The following NTRK1 variants were observed in gnomAD, a reference collection of about 807,000 sequenced individuals.
NTRK1 encodes the protein high affinity nerve growth factor receptor.
NTRK1 carries 62 observed loss-of-function variants against 86.8 expected under a neutral mutation model. The observed-to-expected ratio is 0.71, with a 90% confidence interval of 0.58 to 0.88. The LOEUF is 0.88. Among genes scored for constraint, NTRK1 ranks in the 40% least tolerant of loss-of-function variants. NTRK1 has a pLI of 0.00. For missense variants in NTRK1, 967 were observed against 1,078.4 expected (o/e 0.90, Z 1.45); for synonymous variants, 469 against 456.6 (o/e 1.03, Z -0.35).
At chr1:156,865,499 G>A (rs1350081391) in intron 3 of NTRK1, among the ~76,000 whole-genome samples, 2 of 152,166 alleles carry the variant, frequency 1.3e-5, no homozygotes, top group African/African-American at 4.8e-5. Context: ...CTCACTCACC[G>A]CTGCTCACCT....
chr1:156,845,896 T>C, intron 2 of NTRK1: 1 of 1,598,214 alleles, frequency 6.3e-7, no homozygotes. Flanking sequence ...GCCCTGCGCC[T>C]CCATCTCCCC....
At chr1:156,826,293 CTTTTTTTTT>C (rs386368405) in intron 1 of NTRK1, among the ~76,000 whole-genome samples, 39 of 88,450 alleles carry the variant, frequency 4.4e-4, no homozygotes, top group African/African-American at 1.5e-3. Flanking sequence ...GACTTGAGCT[CTTTTTTTTT>C]TTTTTTTTTT....
intron 2 of NTRK1, among the ~76,000 whole-genome samples, chr1:156,855,601 T>C (rs932128198): frequency 1.3e-5 from 2 of 152,076 alleles, no homozygotes; most frequent in African/African-American, 2.4e-5. Context: ...GGTGGGAAGA[T>C]TGCTTGAGCC....
chr1:156,879,232 T>C lies in NTRK1; in HGVS notation c.1916T>C (p.Val639Ala). The change falls in exon 15 of 17, where the codon GTG becomes GCG. Residue 639 changes from valine to alanine, a missense_variant. Coordinates refer to ENST00000524377, the MANE Select transcript of NTRK1 (RefSeq NM_002529.4). ...AVASQVAAGM[V>A]YLAGLHFVHR... ...GCTAGCCAGGTCGCTGCGGGGATGG[T>C]GTACCTGGCGGGTCTGCATTTTGTG... The C allele has an allele frequency of 6.2e-7, 1 of 1,614,018 alleles. No homozygotes were observed. The highest frequency in any genetic ancestry group is 8.5e-7 in the Non-Finnish European group (1 of 1,179,972).
chr1:156,849,916 CTT>C lies in NTRK1; in HGVS notation c.50+7735_50+7736del, dbSNP rs56654147. Among the ~76,000 whole-genome samples, 300 of 146,308 alleles carry C rather than the reference CTT, an allele frequency of 2.1e-3. 2 individuals carry two copies. The highest frequency in any genetic ancestry group is 7.1e-3 in the African/African-American group (283 of 40,100). ...ACTAGACTAGATGACTAGATGGTAA[CTT>C]TTTTTTTTTTTCCTCACTCTGTCAT... On this transcript the variant is annotated intron_variant, in intron 2 of 16. Coordinates refer to the NTRK1 transcript ENST00000392302.
At chr1:156,866,575 C>T (rs1258651925) in intron 3 of NTRK1, among the ~76,000 whole-genome samples, 1 of 152,194 alleles carries the variant, frequency 6.6e-6, no homozygotes, top group African/African-American at 2.4e-5. Flanking sequence ...GACCCCTTCC[C>T]CCAGCTGTGG....
chr1:156,853,687 C>T (rs1002154069), intron 2 of NTRK1: 28 of 1,487,282 alleles, frequency 1.9e-5, no homozygotes, highest in Middle Eastern at 2.3e-4. Flanking sequence ...CATCCTGTGG[C>T]CACCCAGCCC....
chr1:156,824,099 C>A (rs1189046344), intron 1 of NTRK1, among the ~76,000 whole-genome samples: 3 of 152,216 alleles, frequency 2.0e-5, no homozygotes, highest in African/African-American at 7.2e-5. Context: ...ACTTTCTTTT[C>A]TCCAGTCTTT....
chr1:156,845,392 G>A, intron 2 of NTRK1: 1 of 1,566,180 alleles, frequency 6.4e-7, no homozygotes, highest in Non-Finnish European at 8.7e-7. Flanking sequence ...TCTTGTTGAT[G>A]GACGTCACCT....
At chr1:156,846,517 ACCTG>A (rs1345290213) in intron 2 of NTRK1, 13 of 1,609,996 alleles carry the variant, frequency 8.1e-6, no homozygotes, top group Non-Finnish European at 1.1e-5. Context: ...CCAAATGCCT[ACCTG>A]CAGGCAGCGT....
chr1:156,859,268 G>T (rs1474389451), upstream of NTRK1, among the ~76,000 whole-genome samples: 1 of 152,140 alleles, frequency 6.6e-6, no homozygotes, highest in Non-Finnish European at 1.5e-5. This position sits in a 1 kb window ranked among gnomAD's most constrained non-coding sequence, Gnocchi z 6.2. Context: ...GGTCTGTTGG[G>T]GAAATAAGGC....
At chr1:156,816,728 A>T in intron 1 of NTRK1, 1 of 1,590,042 alleles carries the variant, frequency 6.3e-7, no homozygotes, top group Non-Finnish European at 8.6e-7. Flanking sequence ...CTCACAAGGG[A>T]TCCCAGAGCA....
At chr1:156,842,992 G>T in intron 2 of NTRK1, 1 of 1,596,642 alleles carries the variant, frequency 6.3e-7, no homozygotes. Context: ...AATGCCCTTG[G>T]CTCTCCCTTA....
chr1:156,877,050 C>T (rs922898985), intron 14 of NTRK1, among the ~76,000 whole-genome samples: 5 of 152,072 alleles, frequency 3.3e-5, no homozygotes, highest in East Asian at 1.9e-4. Context: ...TGGGGTCTTG[C>T]TCTGTTGCCT....
intron 1 of NTRK1, among the ~76,000 whole-genome samples, chr1:156,833,733 C>A (rs1024426497): frequency 6.6e-6 from 1 of 152,204 alleles, no homozygotes; most frequent in East Asian, 1.9e-4. Context: ...ACTCTGCCAA[C>A]CACACTTCCC....
At chr1:156,864,878 G>A (rs1048498740) in intron 3 of NTRK1, 79 bp downstream of exon 3, 53 of 1,418,496 alleles carry the variant, frequency 3.7e-5, no homozygotes, top group East Asian at 2.1e-4. Flanking sequence ...GGCTGTCCCC[G>A]GGGAATGATT....
intron 2 of NTRK1, chr1:156,844,315 A>C (rs374721518): frequency 1.3e-5 from 21 of 1,581,094 alleles, no homozygotes; most frequent in Non-Finnish European, 1.7e-5. Flanking sequence ...GTAGAGTCAA[A>C]GATGTAGAAG....
intron 1 of NTRK1, among the ~76,000 whole-genome samples, chr1:156,837,015 C>T (rs1654614681): frequency 6.6e-6 from 1 of 152,188 alleles, no homozygotes; most frequent in African/African-American, 2.4e-5. Context: ...GAACACTTAA[C>T]CCATGGCCCA....
At chr1:156,858,396 G>T, upstream of NTRK1, 1 of 671,388 alleles carries the variant, frequency 1.5e-6, no homozygotes, top group Non-Finnish European at 2.7e-6. Context: ...TTCCTGCTGG[G>T]CAGTTCTCCT....
Sources: gnomAD v4.1 joint callset for allele counts (sites outside exome capture counted in the v4.1 genomes callset) on GRCh38, gnomAD v4.1.1 for gene constraint, Gnocchi (gnomAD v3.1) non-coding constraint, MANE v1.5 for transcripts, NCBI Gene and HGNC (gene_info 2026-07-23, HGNC 2026-07-21) for gene names.